The following TCF7L2 variants were observed in gnomAD, a reference collection of about 807,000 sequenced individuals.
TCF7L2 encodes transcription factor 7-like 2.
A neutral mutation model predicts 77.9 loss-of-function variants in TCF7L2; 23 were observed. That is an observed-to-expected ratio of 0.30 (90% confidence interval 0.21 to 0.42). The LOEUF (loss-of-function observed/expected upper bound fraction) is 0.42, where lower values mean the gene tolerates loss of function less well. TCF7L2 is among the 10% of genes least tolerant of loss of function. The pLI is 1.00. For synonymous variants in TCF7L2, 413 were observed against 340.2 expected (o/e 1.21, Z -2.36); for missense variants, 654 against 793.1 (o/e 0.82, Z 2.11).
intron 5 of TCF7L2, among the ~76,000 whole-genome samples, chr10:113,099,983 C>T (rs2061454476): frequency 6.6e-6 from 1 of 152,180 alleles, no homozygotes; most frequent in African/African-American, 2.4e-5. Context: ...AGTACCCCAG[C>T]TTTTCTGTCC....
intron 5 of TCF7L2, chr10:113,129,496 T>A (rs1422080656): frequency 7.9e-6 from 8 of 1,012,260 alleles, no homozygotes; most frequent in Admixed American, 5.3e-5. Flanking sequence ...TTTTTAAAAT[T>A]TTTTTTAAAA....
rs140789221 is a variant in TCF7L2, at chr10:113,004,874, G to A, written c.451-35151G>A. On this transcript the variant is annotated intron_variant, in intron 4 of 13. Transcript: ENST00000627217. ...GTTTTAGTAGAGATGGGGTTCCACC[G>A]TGTTGGCCAGGCTGGTCACAAACTC... Among the ~76,000 whole-genome samples, 1,465 of 152,116 alleles carry A rather than the reference G, an allele frequency of 9.6e-3. 19 individuals are homozygous for A. Among genetic ancestry groups the A allele is most frequent in the African/African-American group, 0.033 (1,380 of 41,506 alleles).
At chr10:113,140,646 T>C (rs1295922788) in intron 5 of TCF7L2, among the ~76,000 whole-genome samples, 1 of 152,006 alleles carries the variant, frequency 6.6e-6, no homozygotes, top group Non-Finnish European at 1.5e-5. Flanking sequence ...CTGTGAAGGA[T>C]TGTAGCATGC....
intron 4 of TCF7L2, among the ~76,000 whole-genome samples, chr10:112,994,329 T>C (rs7901695): frequency 0.33 from 50,752 of 152,110 alleles, 9,146 homozygotes; most frequent in African/African-American, 0.46. Flanking sequence ...ATAAAATCTA[T>C]GGGCTTTTGT....
Position 113,151,935 on chromosome 10 carries a change from A to G in TCF7L2, c.1161+51A>G, listed in dbSNP as rs2137160274. On this transcript the variant is annotated intron_variant, in intron 10 of 13. Transcript: ENST00000627217. The surrounding 1 kb of genome is among the most constrained non-coding windows in gnomAD (Gnocchi z 5.2). Reference sequence around the variant, plus strand: ...AGCGGGGGGCGGGTGGTGAGGGACCAGAGTGCAGCAGGTCAGGTGGCAGAA... The same window carrying G: ...AGCGGGGGGCGGGTGGTGAGGGACCGGAGTGCAGCAGGTCAGGTGGCAGAA... 6.4e-7 allele frequency: 1 copy of G among 1,552,102 alleles called. No individual in the cohort carries two copies. The highest frequency in any genetic ancestry group is 1.3e-5 in the South Asian group (1 of 79,108).
chr10:113,124,880 G>A (rs2065328570), intron 5 of TCF7L2, among the ~76,000 whole-genome samples: 1 of 152,086 alleles, frequency 6.6e-6, no homozygotes, highest in Non-Finnish European at 1.5e-5. Flanking sequence ...CTCCGAAGGA[G>A]TCTAGCGGGC....
At chr10:113,119,670 GT>G (rs35269627) in intron 5 of TCF7L2, among the ~76,000 whole-genome samples, 14,101 of 142,426 alleles carry the variant, frequency 0.099, 853 homozygotes, top group Non-Finnish European at 0.14. Context: ...CCCTTAAGGT[GT>G]TTTTTTTTTT....
intron 5 of TCF7L2, among the ~76,000 whole-genome samples, chr10:113,105,264 T>C (rs151005181): frequency 1.4e-4 from 22 of 152,088 alleles, no homozygotes; most frequent in African/African-American, 5.1e-4. Flanking sequence ...CTTTAGGAAG[T>C]GTACCGTCTA....
chr10:112,980,921 C>T (rs998781621), intron 4 of TCF7L2, among the ~76,000 whole-genome samples: 5 of 152,306 alleles, frequency 3.3e-5, no homozygotes, highest in Admixed American at 6.5e-5. Context: ...CCACCATTCC[C>T]GGCCAAAGCA....
At chr10:113,015,421 T>G (rs947062495) in intron 4 of TCF7L2, among the ~76,000 whole-genome samples, 2 of 150,832 alleles carry the variant, frequency 1.3e-5, no homozygotes, top group Non-Finnish European at 2.9e-5. Context: ...GTGATCCTCC[T>G]GCTGGGCTTT....
chr10:113,011,201 C>T (rs769531656), intron 4 of TCF7L2, among the ~76,000 whole-genome samples: 1 of 152,082 alleles, frequency 6.6e-6, no homozygotes, highest in Non-Finnish European at 1.5e-5. Context: ...TAAGGCTTGG[C>T]AGATGAGCAG....
intron 4 of TCF7L2, among the ~76,000 whole-genome samples, chr10:113,025,319 A>G (rs1466225060): frequency 1.3e-5 from 2 of 150,506 alleles, no homozygotes; most frequent in Admixed American, 6.6e-5. Context: ...GCTCACTGCA[A>G]TCTCCGCCTC....
chr10:113,067,244 G>A (rs2057377935), intron 5 of TCF7L2, among the ~76,000 whole-genome samples: 1 of 152,200 alleles, frequency 6.6e-6, no homozygotes, highest in African/African-American at 2.4e-5. Flanking sequence ...CGTAGGAGGG[G>A]CTCCAGAAGG....
chr10:113,087,028 G>T (rs60478547), intron 5 of TCF7L2, among the ~76,000 whole-genome samples: 1 of 152,214 alleles, frequency 6.6e-6, no homozygotes, highest in African/African-American at 2.4e-5. Flanking sequence ...GGCAATAAGT[G>T]TAGCCCAGTA....
chr10:112,969,440 A>G (rs1006732147), intron 4 of TCF7L2, among the ~76,000 whole-genome samples: 1 of 152,238 alleles, frequency 6.6e-6, no homozygotes, highest in Non-Finnish European at 1.5e-5. Flanking sequence ...ATAAAGTTCT[A>G]GTAACATTCT....
intron 5 of TCF7L2, chr10:113,129,172 G>A (rs547564158): frequency 1.6e-5 from 5 of 312,922 alleles, no homozygotes; most frequent in Admixed American, 1.3e-4. Context: ...TGTCACTTCC[G>A]TGTCACTGTG....
Position 113,076,542 on chromosome 10 carries a change from C to T in TCF7L2, c.552+36416C>T, listed in dbSNP as rs561416649. The stretch of plus-strand genomic sequence containing the variant: ...TGTTTTAAGTTATAGCTCCAGATTA[C>T]CTTGTAGGATTATTCACATTTTCTT... On this transcript the variant is annotated intron_variant, in intron 5 of 13. Coordinates refer to ENST00000627217, the MANE Select transcript of TCF7L2 (RefSeq NM_001146274.2). Among the ~76,000 whole-genome samples the T allele has an allele frequency of 7.1e-4, 108 of 152,280 alleles. 1 individual carries two copies. The South Asian group carries it at 0.022, about 32-fold the overall frequency.
chr10:113,014,595 AC>A (rs1457173933), intron 4 of TCF7L2, among the ~76,000 whole-genome samples: 1 of 151,802 alleles, frequency 6.6e-6, no homozygotes, highest in African/African-American at 2.4e-5. Flanking sequence ...GGAGTTCAAG[AC>A]CAACATGGCG....
intron 5 of TCF7L2, among the ~76,000 whole-genome samples, chr10:113,082,705 T>C (rs1303416492): frequency 3.3e-5 from 5 of 152,136 alleles, no homozygotes; most frequent in South Asian, 2.1e-4. Flanking sequence ...ATAATGGCCA[T>C]GTCCAGAAAT....
Sources: gnomAD v4.1 joint callset for allele counts (sites outside exome capture counted in the v4.1 genomes callset) on GRCh38, gnomAD v4.1.1 for gene constraint, Gnocchi (gnomAD v3.1) non-coding constraint, MANE v1.5 for transcripts, NCBI Gene and HGNC (gene_info 2026-07-23, HGNC 2026-07-21) for gene names.